PRAG1: variants seen among roughly 807,000 people sequenced by gnomAD.
The protein encoded by PRAG1 is PEAK1 related, kinase-activating pseudokinase 1.
A neutral mutation model predicts 95.6 loss-of-function variants in PRAG1; 110 were observed. That is an observed-to-expected ratio of 1.15 (90% CI 0.99 to 1.35). The LOEUF is 1.35. PRAG1 is among the 40% of genes most tolerant of loss of function. The pLI is 0.00. For synonymous variants in PRAG1, 1,052 were observed against 819.4 expected (o/e 1.28, Z -4.85); for missense variants, 2,554 against 1,864.7 (o/e 1.37, Z -6.81).
intron 4 of PRAG1, among the ~76,000 whole-genome samples, chr8:8,331,140 AG>A (rs1353314853): frequency 3.4e-4 from 51 of 152,210 alleles, no homozygotes; most frequent in African/African-American, 1.2e-3. Context: ...CTCAGAGACA[AG>A]GACAACCTGC....
intron 2 of PRAG1, among the ~76,000 whole-genome samples, chr8:8,378,832 C>T (rs1800530254): frequency 6.6e-6 from 1 of 151,624 alleles, no homozygotes; most frequent in Non-Finnish European, 1.5e-5. Context: ...CACACTCCAG[C>T]CTGGGCGACA....
chr8:8,329,505 A>G (rs925970498), intron 4 of PRAG1, among the ~76,000 whole-genome samples: 4 of 152,098 alleles, frequency 2.6e-5, no homozygotes, highest in African/African-American at 9.7e-5. Context: ...GAGTGTCTCT[A>G]TGCCTTTCCA....
chr8:8,335,957 C>A (rs1048095822), intron 4 of PRAG1, among the ~76,000 whole-genome samples: 1 of 152,118 alleles, frequency 6.6e-6, no homozygotes, highest in Non-Finnish European at 1.5e-5. Flanking sequence ...AAAAATTTGC[C>A]AGTAGTAGTC....
intron 5 of PRAG1, among the ~76,000 whole-genome samples, chr8:8,323,037 C>G (rs1478620211): frequency 6.6e-6 from 1 of 152,116 alleles, no homozygotes; most frequent in African/African-American, 2.4e-5. Flanking sequence ...CATTAACAAA[C>G]AAAAAGCACA....
chr8:8,368,941 G>C (rs1800102584), intron 3 of PRAG1, among the ~76,000 whole-genome samples: 1 of 151,148 alleles, frequency 6.6e-6, no homozygotes, highest in Non-Finnish European at 1.5e-5. Flanking sequence ...AAAAAAAGCA[G>C]GGTAATAGAG....
chr8:8,328,152 G>T lies in PRAG1; in HGVS notation c.2630C>A (p.Ser877Tyr). The change falls in exon 5 of 6, where the codon TCC (serine) becomes TAC (tyrosine). Residue 877 changes from serine to tyrosine, a missense_variant. Transcript: ENST00000615670. ...AGCTTTCTCCAGAGGATCGGAAGAG[G>T]AGAAGACAGGATGGTGGCGGTTCCC... is the stretch of plus-strand genomic sequence containing the variant. ...SPGNRHHPVFSSSDPLEKAFK... is the reference protein window; with the variant it reads ...SPGNRHHPVFYSSDPLEKAFK... The T allele has an allele frequency of 6.2e-7, 1 of 1,614,110 alleles. No homozygotes were observed. Among genetic ancestry groups the T allele is most frequent in the Admixed American group, 1.7e-5 (1 of 60,030 alleles).
At chr8:8,320,526 C>T (rs1563224186) in intron 5 of PRAG1, among the ~76,000 whole-genome samples, 1 of 152,202 alleles carries the variant, frequency 6.6e-6, no homozygotes, top group South Asian at 2.1e-4. Context: ...TGTCAGGCCT[C>T]AATCTCCCTG....
chr8:8,318,882 C>CGGGGGGGGGGGG lies in PRAG1; in HGVS notation c.3492_3493insCCCCCCCCCCCC (p.Pro1164_Ala1165insProProProPro). 1 of 1,265,076 alleles carries CGGGGGGGGGGGG rather than the reference C, an allele frequency of 7.9e-7. No homozygotes were observed. Among genetic ancestry groups the CGGGGGGGGGGGG allele is most frequent in the Admixed American group, 2.8e-5 (1 of 35,714 alleles). The allele number at this position is 1,265,076 out of a possible 1,614,324, so 78.4% of individuals were successfully genotyped here. A position where few individuals can be genotyped will look rare whatever the true frequency, so the allele number is the denominator to read the frequency against. ...GCGGGAGCCGGGGCGGGGGCGGGGG[C>CGGGGGGGGGGGG]GGGCCCGGGGCCGGCCTGGAGGGTG... On this transcript the variant is annotated inframe_insertion, in exon 6 of 6. Coordinates refer to ENST00000615670, the MANE Select transcript of PRAG1 (RefSeq NM_001080826.3). This position sits in a 1 kb window ranked among gnomAD's most constrained non-coding sequence, Gnocchi z 4.2.
intron 2 of PRAG1, among the ~76,000 whole-genome samples, chr8:8,380,156 T>C: frequency 6.6e-6 from 1 of 151,902 alleles, no homozygotes; most frequent in South Asian, 2.1e-4. Flanking sequence ...GTACCTCTAG[T>C]CTTAGATTCC....
intron 3 of PRAG1, among the ~76,000 whole-genome samples, chr8:8,360,467 G>GC (rs2116889449): frequency 6.6e-6 from 1 of 152,172 alleles, no homozygotes; most frequent in Non-Finnish European, 1.5e-5. Context: ...TCTAGACTTA[G>GC]CCCCCTACAT....
intron 3 of PRAG1, among the ~76,000 whole-genome samples, chr8:8,363,194 A>C (rs1227475927): frequency 2.0e-5 from 3 of 151,654 alleles, no homozygotes; most frequent in Non-Finnish European, 4.4e-5. Flanking sequence ...TCTTTAAGAG[A>C]AACTATTACT....
chr8:8,327,733 G>A lies in PRAG1; in HGVS notation c.3049C>T (p.Pro1017Ser). The A allele has an allele frequency of 6.2e-7, 1 of 1,613,630 alleles. No homozygotes were observed. The highest frequency in any genetic ancestry group is 1.1e-5 in the South Asian group (1 of 91,044). The change falls in exon 5 of 6, where the codon CCC (proline) becomes TCC (serine). Residue 1017 changes from proline (P) to serine (S), a missense_variant. Pro to Ser is a moderately conservative substitution (Grantham distance 74). Transcript: ENST00000615670. ...ACTTTCACAGCATAGGTGCTGCCGG[G>A]GTCCTCAGAGCAGGTGGCACAGTAA... ...IYYCATCSED[P>S]GSTYAVKICK...
chr8:8,371,402 T>A lies in PRAG1; in HGVS notation c.2162+4845A>T, dbSNP rs535765471. Among the ~76,000 whole-genome samples, 51 of 151,846 alleles carry A rather than the reference T, an allele frequency of 3.4e-4. No individual in the cohort carries two copies. In the South Asian group the frequency reaches 6.0e-3, roughly 18 times the overall value. ...CAGCCTCCCGAGTAGCTGGGACTACTGGCGCCCGCCATCACGCCTGGCTAA... is the reference window on the plus strand; with the variant it reads ...CAGCCTCCCGAGTAGCTGGGACTACAGGCGCCCGCCATCACGCCTGGCTAA... On this transcript the variant is annotated intron_variant, in intron 3 of 5. Coordinates refer to ENST00000615670, the MANE Select transcript of PRAG1 (RefSeq NM_001080826.3).
chr8:8,370,001 G>A (rs58752285), intron 3 of PRAG1, among the ~76,000 whole-genome samples: 2,258 of 152,248 alleles, frequency 0.015, 48 homozygotes, highest in African/African-American at 0.051. Context: ...GCTTTTTAGC[G>A]CCTTGCACAG....
In PRAG1 at chr8:8,339,128, T is replaced by C. The variant is rs1363529703; in HGVS notation, c.2320+350A>G. ...AGAGAGAGAGAGAGAGAGAAAGAGA[T>C]AGTGAGAATGTGTGGTTTAGGACCC... On this transcript the variant is annotated intron_variant, in intron 4 of 5. Coordinates refer to ENST00000615670, the MANE Select transcript of PRAG1 (RefSeq NM_001080826.3). Among the ~76,000 whole-genome samples, 5 of 149,702 alleles carry C rather than the reference T, an allele frequency of 3.3e-5. No individual in the cohort carries two copies. The South Asian group carries it at 1.1e-3, about 32-fold the overall frequency.
At chr8:8,332,553 C>T (rs1231976869) in intron 4 of PRAG1, among the ~76,000 whole-genome samples, 1 of 152,080 alleles carries the variant, frequency 6.6e-6, no homozygotes, top group South Asian at 2.1e-4. Context: ...TCTGAGTTTA[C>T]GGATCCTTAA....
chr8:8,379,713 G>C (rs1207097424), intron 2 of PRAG1, among the ~76,000 whole-genome samples: 1 of 152,208 alleles, frequency 6.6e-6, no homozygotes, highest in Non-Finnish European at 1.5e-5. Context: ...CCTAGGATAT[G>C]TCTTAGCCAC....
intron 4 of PRAG1, among the ~76,000 whole-genome samples, chr8:8,333,928 T>C (rs1375997093): frequency 6.6e-6 from 1 of 152,196 alleles, no homozygotes; most frequent in African/African-American, 2.4e-5. Flanking sequence ...ACTAAAGCCA[T>C]CTGCACGGGC....
intron 3 of PRAG1, among the ~76,000 whole-genome samples, chr8:8,348,931 TA>T (rs774912487): frequency 2.4e-4 from 36 of 152,360 alleles, no homozygotes; most frequent in Non-Finnish European, 4.3e-4. Flanking sequence ...TGATTAAGTT[TA>T]TCTGCCTCTG....
Sources: allele counts gnomAD v4.1 joint callset (sites outside exome capture counted in the v4.1 genomes callset), GRCh38; gene constraint gnomAD v4.1.1; non-coding constraint Gnocchi (gnomAD v3.1); transcripts MANE v1.5; gene names NCBI Gene and HGNC (gene_info 2026-07-23, HGNC 2026-07-21).